Variants in FMNL2 observed in about 807,000 individuals in gnomAD.
FMNL2 encodes formin like 2.
A neutral mutation model predicts 130.2 loss-of-function variants in FMNL2; 51 were observed. The ratio of observed to expected loss-of-function variants is 0.39; its 90% confidence interval spans 0.31 to 0.49. The LOEUF (loss-of-function observed/expected upper bound fraction) is 0.49. Ranked by LOEUF, FMNL2 falls within the 20% of genes least tolerant of loss-of-function variation. The probability of loss-of-function intolerance (pLI) is 0.85; values close to 1 mark genes in which losing one functional copy is unlikely to be tolerated. For missense variants in FMNL2, 977 were observed against 1,316.2 expected, an observed-to-expected ratio of 0.74 and a Z score of 3.99; for synonymous variants, 465 against 467.1, an observed-to-expected ratio of 1.00 and a Z score of 0.06.
At chr2:152,403,410 A>G (rs976665442) in intron 1 of FMNL2, among the ~76,000 whole-genome samples, 1 of 152,102 alleles carries the variant, frequency 6.6e-6, no homozygotes, top group Non-Finnish European at 1.5e-5. Flanking sequence ...CCATTTATGT[A>G]TTCAGTCATT....
chr2:152,643,545 G>A, intron 25 of FMNL2: 1 of 1,535,536 alleles, frequency 6.5e-7, no homozygotes, highest in Non-Finnish European at 8.7e-7. Flanking sequence ...CTCTTAAAAG[G>A]TTGCTACAGG....
intron 25 of FMNL2, among the ~76,000 whole-genome samples, chr2:152,644,558 C>T (rs936318129): frequency 1.3e-5 from 2 of 152,176 alleles, no homozygotes; most frequent in Non-Finnish European, 2.9e-5. Context: ...TTTAGTAGGC[C>T]ACCTCTATTC....
intron 1 of FMNL2, among the ~76,000 whole-genome samples, chr2:152,339,808 C>T (rs1320351631): frequency 6.6e-6 from 1 of 152,130 alleles, no homozygotes; most frequent in Non-Finnish European, 1.5e-5. Context: ...TGAGTATCTA[C>T]TATGAGTAGG....
chr2:152,423,401 G>C (rs1687018484), intron 1 of FMNL2, among the ~76,000 whole-genome samples: 1 of 152,202 alleles, frequency 6.6e-6, no homozygotes, highest in Non-Finnish European at 1.5e-5. Context: ...GGTAATGATG[G>C]AGTTGGGAAT....
At chr2:152,600,536 A>G (rs984155307) in intron 9 of FMNL2, among the ~76,000 whole-genome samples, 1 of 152,136 alleles carries the variant, frequency 6.6e-6, no homozygotes, top group Non-Finnish European at 1.5e-5. Context: ...GGCTGGCAAG[A>G]TAATACCCAA....
chr2:152,532,344 C>T (rs1239050625), intron 2 of FMNL2, among the ~76,000 whole-genome samples: 5 of 151,982 alleles, frequency 3.3e-5, no homozygotes. Flanking sequence ...TTGTGTTTTC[C>T]AAAGTGGCTA....
intron 1 of FMNL2, among the ~76,000 whole-genome samples, chr2:152,339,941 G>A (rs1367712419): frequency 6.6e-6 from 1 of 152,130 alleles, no homozygotes; most frequent in East Asian, 1.9e-4. Flanking sequence ...AGCACTTTGG[G>A]AGGCTGAGGT....
chr2:152,575,001 C>G (rs900090995), intron 6 of FMNL2, 135 bp from the exon 7 acceptor site: 4 of 560,456 alleles, frequency 7.1e-6, no homozygotes, highest in African/African-American at 1.9e-5. Context: ...ATCAATCTTA[C>G]TGTTGCCATT....
intron 9 of FMNL2, among the ~76,000 whole-genome samples, chr2:152,591,175 AT>A (rs1414281818): frequency 6.6e-6 from 1 of 150,506 alleles, no homozygotes; most frequent in Non-Finnish European, 1.5e-5. Context: ...CGCCTGGCTA[AT>A]TTTTTTGTAT....
intron 4 of FMNL2, among the ~76,000 whole-genome samples, chr2:152,557,576 C>A (rs1695296419): frequency 6.6e-6 from 1 of 152,176 alleles, no homozygotes. Context: ...CCCCTTCCCC[C>A]TGCCAAAAAT....
rs983717268 is a variant in FMNL2 at position 152,355,474 on chromosome 2, T to C, written c.117+19754T>C. 6.6e-5 allele frequency among the ~76,000 whole-genome samples: 10 copies of C among 152,156 alleles called. No homozygotes were observed. In the South Asian group the frequency reaches 1.0e-3, roughly 16 times the overall value. On this transcript the variant is annotated intron_variant, in intron 1 of 25. Transcript: ENST00000288670. ...CTTGTCCCCTGCTTTAGGAGTAATT[T>C]TTTTAGGGCTTTAGGTTTTTCTCAT...
At chr2:152,516,091 G>C (rs1692751190) in intron 1 of FMNL2, among the ~76,000 whole-genome samples, 1 of 152,124 alleles carries the variant, frequency 6.6e-6, no homozygotes, top group Non-Finnish European at 1.5e-5. Flanking sequence ...CAGCCATCCA[G>C]TTGAAATCCA....
At chr2:152,428,318 A>C (rs1012989661) in intron 1 of FMNL2, among the ~76,000 whole-genome samples, 6 of 152,224 alleles carry the variant, frequency 3.9e-5, no homozygotes, top group Non-Finnish European at 8.8e-5. Flanking sequence ...GAGGGACAAA[A>C]AGCAAGCAAA....
intron 1 of FMNL2, among the ~76,000 whole-genome samples, chr2:152,463,024 T>C (rs905580709): frequency 2.6e-5 from 4 of 152,226 alleles, no homozygotes; most frequent in African/African-American, 9.6e-5. Context: ...GTGTTGGGTG[T>C]TAGCAGTTCT....
At chr2:152,364,142 C>T (rs1683348969) in intron 1 of FMNL2, among the ~76,000 whole-genome samples, 1 of 151,892 alleles carries the variant, frequency 6.6e-6, no homozygotes, top group Non-Finnish European at 1.5e-5. Flanking sequence ...TGAGTTGAGC[C>T]AGAGAAAGCA....
chr2:152,393,043 G>A (rs1207084281), intron 1 of FMNL2, among the ~76,000 whole-genome samples: 1 of 151,794 alleles, frequency 6.6e-6, no homozygotes, highest in Non-Finnish European at 1.5e-5. Context: ...TTGATGCTTC[G>A]AGTCACTTTC....
At chr2:152,500,288 T>C (rs142164386) in intron 1 of FMNL2, among the ~76,000 whole-genome samples, 1 of 152,020 alleles carries the variant, frequency 6.6e-6, no homozygotes, top group East Asian at 1.9e-4. Context: ...GAAATCAGTC[T>C]GATGTTCATT....
At chr2:152,639,558 C>T (rs1405490702) in intron 23 of FMNL2, among the ~76,000 whole-genome samples, 1 of 152,182 alleles carries the variant, frequency 6.6e-6, no homozygotes, top group Admixed American at 6.5e-5. Context: ...TTTCCCCTAA[C>T]AATAGGCAGA....
rs1191402765 is a variant in FMNL2 at position 152,647,933 on chromosome 2, G to T, written c.*28G>T. 1 of 1,566,978 alleles carries T rather than the reference G, an allele frequency of 6.4e-7. No individual in the cohort carries two copies. The highest frequency in any genetic ancestry group is 1.7e-4 in the Middle Eastern group (1 of 5,896). On this transcript the variant is annotated 3_prime_UTR_variant, in exon 26 of 26. Transcript: ENST00000288670. ...CTGAGACTGGCCTGCATGAATACAG[G>T]GTGTGCGTGAATGAAACTGCCCACA...
Sources: allele counts gnomAD v4.1 joint callset (sites outside exome capture counted in the v4.1 genomes callset), GRCh38; gene constraint gnomAD v4.1.1; transcripts MANE v1.5; gene names NCBI Gene and HGNC (gene_info 2026-07-23, HGNC 2026-07-21).